Variants in BCL11A observed in about 807,000 individuals in gnomAD.
BCL11A encodes B cell CLL/lymphoma 11A.
Under a neutral mutation model 55.9 loss-of-function variants are expected in BCL11A, and 2 were observed. The ratio of observed to expected loss-of-function variants is 0.04; its 90% CI spans 0.01 to 0.11. BCL11A has a LOEUF of 0.11. Ranked by LOEUF, BCL11A falls within the 10% of genes least tolerant of loss-of-function variation. The probability of loss-of-function intolerance (pLI) is 1.00; values close to 1 mark genes in which losing one functional copy is unlikely to be tolerated. For missense variants in BCL11A, 817 were observed against 1,137.1 expected (o/e 0.72, Z 4.05); for synonymous variants, 465 against 473.4 (o/e 0.98, Z 0.23).
At chr2:60,457,189 C>T, downstream of BCL11A, 2 of 957,974 alleles carry the variant, frequency 2.1e-6, no homozygotes, top group Non-Finnish European at 2.5e-6. Flanking sequence ...AAGAAGCTTA[C>T]AATGTGTACT....
intron 2 of BCL11A, among the ~76,000 whole-genome samples, chr2:60,501,986 T>A (rs1679315622): frequency 6.6e-6 from 1 of 152,248 alleles, no homozygotes; most frequent in African/African-American, 2.4e-5. Flanking sequence ...TATGTTTCTT[T>A]CTACACAACT....
rs1255354294 is a variant in BCL11A at position 60,457,915 on chromosome 2, G to A, written c.*2489C>T. On this transcript the variant is annotated 3_prime_UTR_variant, in exon 4 of 4. Coordinates refer to ENST00000642384, the MANE Select transcript of BCL11A (RefSeq NM_022893.4). ...GGCTCCCCCAAACCGCCATTATATG[G>A]CTTCTCATCTGTAATGTCACACTTT... The A allele has an allele frequency of 9.6e-7, 1 of 1,046,154 alleles. No homozygotes were observed. Among genetic ancestry groups the A allele is most frequent in the Non-Finnish European group, 1.2e-6 (1 of 867,696 alleles). The allele number at this position is 1,046,154 out of a possible 1,614,324, so 64.8% of individuals were successfully genotyped here.
intron 2 of BCL11A, among the ~76,000 whole-genome samples, chr2:60,501,049 C>G (rs1415011367): frequency 1.3e-5 from 2 of 152,232 alleles, no homozygotes; most frequent in Non-Finnish European, 2.9e-5. Flanking sequence ...GGTTGACTCA[C>G]TCAGCAACAG....
At chr2:60,456,698 A>G (rs1406395696), downstream of BCL11A, among the ~76,000 whole-genome samples, 1 of 152,218 alleles carries the variant, frequency 6.6e-6, no homozygotes, top group Non-Finnish European at 1.5e-5. Flanking sequence ...AGATTTCAAA[A>G]GTGGGGTTAT....
chr2:60,454,372 A>G (rs141643059), downstream of BCL11A, among the ~76,000 whole-genome samples: 73 of 152,348 alleles, frequency 4.8e-4, no homozygotes, highest in African/African-American at 1.7e-3. Context: ...CAGTCTTTTA[A>G]GAAACATTTT....
chr2:60,453,513 T>A (rs1675812103), downstream of BCL11A, among the ~76,000 whole-genome samples: 1 of 152,192 alleles, frequency 6.6e-6, no homozygotes, highest in Non-Finnish European at 1.5e-5. Context: ...GGATCTCAGC[T>A]GCTCTCACGC....
chr2:60,550,555 AGGCGGGG>A (rs1670364996), intron 1 of BCL11A, among the ~76,000 whole-genome samples: 1 of 86,590 alleles, frequency 1.2e-5, no homozygotes, highest in Non-Finnish European at 2.4e-5. Flanking sequence ...CACATAGCAG[AGGCGGGG>A]GGCGGGGGGG....
chr2:60,451,846 G>A (rs1215795159), exon 5 of BCL11A: 1 of 229,100 alleles, frequency 4.4e-6, no homozygotes, highest in Non-Finnish European at 8.6e-6. Context: ...ATTATTTAAT[G>A]GTATGCAAAT....
At chr2:60,453,556 G>A (rs2103751375), downstream of BCL11A, among the ~76,000 whole-genome samples, 1 of 152,340 alleles carries the variant, frequency 6.6e-6, no homozygotes, top group East Asian at 1.9e-4. Flanking sequence ...CGGAGACCTG[G>A]GCTGAGGGGC....
At chr2:60,534,087 G>A (rs984047979) in intron 2 of BCL11A, 1 of 152,178 alleles carries the variant, frequency 6.6e-6, no homozygotes, top group Non-Finnish European at 1.5e-5. Context: ...ATACAGCACA[G>A]GTTATTCAAC....
chr2:60,477,922 T>C (rs1422252651), intron 2 of BCL11A, among the ~76,000 whole-genome samples: 1 of 151,424 alleles, frequency 6.6e-6, no homozygotes, highest in East Asian at 1.9e-4. Flanking sequence ...CTAGCCCTTC[T>C]TAAGGAAGCA....
In BCL11A at chr2:60,458,895, C is replaced by A. The variant is rs751902041; in HGVS notation, c.*1509G>T. Reference sequence around the variant, plus strand: ...AAAAATAAAAATAAAAACAATGAATCCTCTTCCATGTTAACACAAATAGCA... The same window carrying A: ...AAAAATAAAAATAAAAACAATGAATACTCTTCCATGTTAACACAAATAGCA... On this transcript the variant is annotated 3_prime_UTR_variant, in exon 4 of 4. Transcript: ENST00000642384. The A allele has an allele frequency of 6.8e-6, 7 of 1,031,596 alleles. No homozygotes were observed. The highest frequency in any genetic ancestry group is 7.0e-6 in the Non-Finnish European group (6 of 857,020). 63.9% of individuals were successfully genotyped at this position (1,031,596 alleles called of 1,614,324 possible). A position where few individuals can be genotyped will look rare whatever the true frequency, so the allele number is the denominator to read the frequency against.
chr2:60,503,908 C>T (rs1679429198), intron 2 of BCL11A, among the ~76,000 whole-genome samples: 2 of 152,114 alleles, frequency 1.3e-5, no homozygotes, highest in South Asian at 2.1e-4. Flanking sequence ...TTGGCTGCTT[C>T]GTTGATTCTA....
At chr2:60,473,635 C>A (rs1393888109) in intron 2 of BCL11A, among the ~76,000 whole-genome samples, 2 of 152,204 alleles carry the variant, frequency 1.3e-5, no homozygotes, top group Admixed American at 1.3e-4. Context: ...AGTAAATGTC[C>A]TTTCTATTCA....
At chr2:60,552,457 C>A (rs1249386834) in intron 1 of BCL11A, among the ~76,000 whole-genome samples, 1 of 151,948 alleles carries the variant, frequency 6.6e-6, no homozygotes, top group Non-Finnish European at 1.5e-5. Context: ...GGAGGGCAAG[C>A]GCGAGGAGCC....
At chr2:60,483,073 G>A (rs887504696) in intron 2 of BCL11A, among the ~76,000 whole-genome samples, 3 of 152,224 alleles carry the variant, frequency 2.0e-5, no homozygotes, top group Non-Finnish European at 4.4e-5. Context: ...TTTGCGAGAT[G>A]TTTGAGAAGA....
intron 2 of BCL11A, among the ~76,000 whole-genome samples, chr2:60,541,364 G>C (rs1669919530): frequency 1.3e-5 from 2 of 151,994 alleles, no homozygotes; most frequent in Non-Finnish European, 2.9e-5. Context: ...TCCTTAGTAA[G>C]TTTAGCAGCC....
At chr2:60,457,036 T>C (rs1323764494), downstream of BCL11A, among the ~76,000 whole-genome samples, 3 of 152,218 alleles carry the variant, frequency 2.0e-5, no homozygotes, top group Admixed American at 6.5e-5. Context: ...TATTTTAATA[T>C]AGTAAGTACT....
chr2:60,451,872 T>C (rs1572937900), exon 5 of BCL11A: 1 of 189,488 alleles, frequency 5.3e-6, no homozygotes, highest in Non-Finnish European at 1.1e-5. Context: ...GTCAGACAGT[T>C]AGGAAAACCA....
Sources: gnomAD v4.1 joint callset for allele counts (sites outside exome capture counted in the v4.1 genomes callset) on GRCh38, gnomAD v4.1.1 for gene constraint, MANE v1.5 for transcripts, NCBI Gene and HGNC (gene_info 2026-07-23, HGNC 2026-07-21) for gene names.